The following PIK3R3 variants were observed in gnomAD, a reference collection of about 807,000 sequenced individuals.
The protein encoded by PIK3R3 is phosphoinositide-3-kinase regulatory subunit 3.
A neutral mutation model predicts 62.9 loss-of-function variants in PIK3R3; 64 were observed. That is an observed-to-expected ratio of 1.02 (90% confidence interval 0.83 to 1.25). The LOEUF is 1.25. Ranked by LOEUF, PIK3R3 falls within the 50% of genes most tolerant of loss-of-function variation. PIK3R3 has a pLI of 0.00. For missense variants in PIK3R3, 614 were observed against 561.6 expected (o/e 1.09, Z -0.94); for synonymous variants, 165 against 189.0 (o/e 0.87, Z 1.04).
chr1:46,143,519 C>A, the PIK3R3 span, among the ~76,000 whole-genome samples: 3 of 152,138 alleles, frequency 2.0e-5, no homozygotes, highest in Admixed American at 1.3e-4. Context: ...TCACAGCTCA[C>A]TGCAGCCTCG....
chr1:46,110,873 T>G (rs1047789118), intron 1 of PIK3R3, among the ~76,000 whole-genome samples: 3 of 151,088 alleles, frequency 2.0e-5, no homozygotes, highest in African/African-American at 7.3e-5. Flanking sequence ...AAAGTTGGTT[T>G]TTTTTTTTTA....
chr1:46,096,989 A>AC (rs373374809), intron 1 of PIK3R3, among the ~76,000 whole-genome samples: 76 of 150,850 alleles, frequency 5.0e-4, no homozygotes, highest in East Asian at 9.7e-4. Context: ...AAACAAACAA[A>AC]AAAAAAAAAA....
At position 46,040,462 on chromosome 1, in the gene PIK3R3, A is replaced by G. The variant is rs1448158207; in HGVS notation, c.*3211T>C. The G allele has an allele frequency of 1.7e-5, 4 of 230,272 alleles. No homozygotes were observed. The highest frequency in any genetic ancestry group is 3.4e-5 in the Non-Finnish European group (4 of 116,176). 14.3% of individuals were successfully genotyped at this position (230,272 alleles called of 1,614,324 possible). A position where few individuals can be genotyped will look rare whatever the true frequency, so the allele number is the denominator to read the frequency against. On this transcript the variant is annotated 3_prime_UTR_variant, in exon 10 of 10. Coordinates refer to ENST00000262741, the MANE Select transcript of PIK3R3 (RefSeq NM_003629.4). Reference sequence around the variant, plus strand: ...TAGATTTTTCACAAGTAACGGCACCAAAGTCACATGCTGGAATTTGTAAGG... The same window carrying G: ...TAGATTTTTCACAAGTAACGGCACCGAAGTCACATGCTGGAATTTGTAAGG...
intron 1 of PIK3R3, among the ~76,000 whole-genome samples, chr1:46,101,065 G>A (rs553346016): frequency 5.3e-5 from 8 of 151,126 alleles, no homozygotes; most frequent in South Asian, 2.1e-4. Flanking sequence ...CCAGCTACTC[G>A]GGTGGCTGAG....
rs35873858 is a variant in PIK3R3, at chr1:46,110,275, C to CT, written c.106+21571dup. Among the ~76,000 whole-genome samples, 461 of 71,302 alleles carry CT rather than the reference C, an allele frequency of 6.5e-3. 6 individuals carry two copies. Among genetic ancestry groups the CT allele is most frequent in the African/African-American group, 0.015 (286 of 18,568 alleles). The allele number at this position is 71,302 out of a possible 152,430, so 46.8% of individuals were successfully genotyped here. A position where few individuals can be genotyped will look rare whatever the true frequency, so the allele number is the denominator to read the frequency against. On this transcript the variant is annotated intron_variant, in intron 1 of 9. Transcript: ENST00000262741. ...TACAGGCACATGCCACCAGGCTTGG[C>CT]TTTTTTTTTTTTTTTTTTTTTTTAG...
intron 3 of PIK3R3, among the ~76,000 whole-genome samples, chr1:46,071,945 A>C (rs952783944): frequency 2.0e-5 from 3 of 151,730 alleles, no homozygotes; most frequent in African/African-American, 7.3e-5. Flanking sequence ...TTAGCCAAAC[A>C]GGACTACATC....
upstream of PIK3R3, among the ~76,000 whole-genome samples, chr1:46,136,558 C>A (rs1025650077): frequency 1.1e-4 from 17 of 152,056 alleles, no homozygotes; most frequent in African/African-American, 4.1e-4. Context: ...ATCATTTAAC[C>A]CAAGGCACTG....
chr1:46,121,252 GA>G, intron 1 of PIK3R3, among the ~76,000 whole-genome samples: 1 of 151,962 alleles, frequency 6.6e-6, no homozygotes, highest in East Asian at 1.9e-4. Context: ...ACTAATATCA[GA>G]AAAAAAGGTT....
chr1:46,139,021 G>A, the PIK3R3 span: 1 of 152,128 alleles, frequency 6.6e-6, no homozygotes. Flanking sequence ...GGGTGTATAC[G>A]TTCAAAAGCA....
chr1:46,149,135 C>A, the PIK3R3 span, among the ~76,000 whole-genome samples: 1 of 152,126 alleles, frequency 6.6e-6, no homozygotes, highest in Non-Finnish European at 1.5e-5. Flanking sequence ...CTAAAAGATA[C>A]TCCCGGCTGG....
At chr1:46,103,605 C>T (rs1008017387) in intron 1 of PIK3R3, among the ~76,000 whole-genome samples, 1 of 151,144 alleles carries the variant, frequency 6.6e-6, no homozygotes, top group Admixed American at 6.6e-5. Flanking sequence ...TATTTATTTA[C>T]TTATTTACAG....
At chr1:46,090,312 TTTTATTTATTTA>T (rs34068212) in intron 1 of PIK3R3, among the ~76,000 whole-genome samples, 7 of 148,462 alleles carry the variant, frequency 4.7e-5, no homozygotes, top group African/African-American at 1.2e-4. Flanking sequence ...ACGCAGTCTT[TTTTATTTATTTA>T]TTTATTTATT....
At chr1:46,055,486 T>C (rs997275838) in intron 7 of PIK3R3, among the ~76,000 whole-genome samples, 1 of 152,256 alleles carries the variant, frequency 6.6e-6, no homozygotes, top group African/African-American at 2.4e-5. Flanking sequence ...CTGATTTTTA[T>C]GTTTTAGGCA....
At chr1:46,083,351 C>A (rs926778050) in intron 1 of PIK3R3, among the ~76,000 whole-genome samples, 4 of 151,988 alleles carry the variant, frequency 2.6e-5, no homozygotes, top group African/African-American at 7.3e-5. Context: ...GTAATGGTTT[C>A]TTAAATATGA....
In PIK3R3 at chr1:46,094,099, T is replaced by C. The variant is rs960013834; in HGVS notation, c.107-13349A>G. On this transcript the variant is annotated intron_variant, in intron 1 of 9. Transcript: ENST00000262741. ...AAAAAAAAGTGTCGAAGATGAACGA[T>C]GTTATCAAAGACACAAAACAAACCT... Among the ~76,000 whole-genome samples the C allele has an allele frequency of 6.0e-5, 9 of 148,820 alleles. No individual in the cohort carries two copies. In the East Asian group the frequency reaches 1.2e-3, roughly 19 times the overall value.
At chr1:46,069,671 A>G (rs1269069604) in intron 3 of PIK3R3, among the ~76,000 whole-genome samples, 1 of 152,304 alleles carries the variant, frequency 6.6e-6, no homozygotes, top group East Asian at 1.9e-4. Context: ...TAAAGATAGA[A>G]ATTCAGGAGT....
At chr1:46,073,992 G>C (rs896410005) in intron 3 of PIK3R3, among the ~76,000 whole-genome samples, 2 of 149,238 alleles carry the variant, frequency 1.3e-5, no homozygotes, top group African/African-American at 4.9e-5. Flanking sequence ...GTGTTTGGTG[G>C]GCCAAAAACA....
At chr1:46,129,930 T>C (rs1354138293) in intron 1 of PIK3R3, among the ~76,000 whole-genome samples, 2 of 152,240 alleles carry the variant, frequency 1.3e-5, no homozygotes, top group East Asian at 1.9e-4. Flanking sequence ...AGGATGAACA[T>C]TTTAAACTCA....
chr1:46,067,024 G>A lies in PIK3R3; in HGVS notation c.382C>T (p.Leu128=). Residue 128 remains leucine (L), a synonymous_variant, in exon 4 of 10, where the codon CTG becomes TTG. Coordinates refer to ENST00000262741, the MANE Select transcript of PIK3R3 (RefSeq NM_003629.4). ...AGCTCCACCACGGAATTAAATGTCA[G>A]AGGATCAGAAAAGCCATATTTACCA... ...RDGKYGFSDP[L]TFNSVVELIN... 1.2e-6 allele frequency: 2 copies of A among 1,604,842 alleles called. No homozygotes were observed. The highest frequency in any genetic ancestry group is 1.7e-6 in the Non-Finnish European group (2 of 1,176,468).
Sources: allele counts gnomAD v4.1 joint callset (sites outside exome capture counted in the v4.1 genomes callset), GRCh38; gene constraint gnomAD v4.1.1; transcripts MANE v1.5; gene names NCBI Gene and HGNC (gene_info 2026-07-23, HGNC 2026-07-21).